Variants in MITF observed in about 807,000 individuals in gnomAD.
MITF encodes melanocyte inducing transcription factor.
In MITF, 17 loss-of-function variants were observed where a neutral mutation model predicts 60.5. The observed-to-expected ratio is 0.28, with a 90% CI of 0.19 to 0.42. The LOEUF (loss-of-function observed/expected upper bound fraction) is 0.42. MITF is among the 10% of genes least tolerant of loss of function. MITF has a pLI of 1.00. For missense variants in MITF, 622 were observed against 683.5 expected, an observed-to-expected ratio of 0.91 and a Z score of 1.00; for synonymous variants, 260 against 248.5, an observed-to-expected ratio of 1.05 and a Z score of -0.43.
chr3:69,853,721 A>G (rs2063865743), intron 1 of MITF, among the ~76,000 whole-genome samples: 2 of 152,164 alleles, frequency 1.3e-5, no homozygotes, highest in Admixed American at 6.5e-5. Context: ...AAATGGGGTC[A>G]TAAGGCAAGA....
intron 4 of MITF, among the ~76,000 whole-genome samples, chr3:69,940,958 T>A (rs1217500452): frequency 6.6e-6 from 1 of 152,168 alleles, no homozygotes; most frequent in Non-Finnish European, 1.5e-5. Context: ...TAGGGCAAAA[T>A]CTTAGCCTAT....
chr3:69,954,522 A>T (rs932127057), intron 7 of MITF, among the ~76,000 whole-genome samples: 5 of 152,228 alleles, frequency 3.3e-5, no homozygotes, highest in African/African-American at 1.2e-4. Flanking sequence ...ATCTGGAGGT[A>T]CAGTGTTCCA....
chr3:69,919,796 G>A (rs1208666002), intron 2 of MITF, among the ~76,000 whole-genome samples: 2 of 147,186 alleles, frequency 1.4e-5, no homozygotes, highest in Non-Finnish European at 3.0e-5. Context: ...GAAATGAACA[G>A]ATGAAAAATT....
At chr3:69,944,954 G>C (rs1380744781) in intron 5 of MITF, among the ~76,000 whole-genome samples, 1 of 151,830 alleles carries the variant, frequency 6.6e-6, no homozygotes. Context: ...TCTTTTATTT[G>C]ATTATTTGAA....
At chr3:69,741,779 T>C (rs1168735241) in intron 1 of MITF, among the ~76,000 whole-genome samples, 2 of 152,226 alleles carry the variant, frequency 1.3e-5, no homozygotes, top group Non-Finnish European at 2.9e-5. Context: ...TGGCAACATT[T>C]CTCTATACTG....
intron 1 of MITF, among the ~76,000 whole-genome samples, chr3:69,826,519 A>T (rs1281316269): frequency 6.6e-6 from 1 of 152,220 alleles, no homozygotes; most frequent in Non-Finnish European, 1.5e-5. Context: ...TGAGGCTATG[A>T]ACATTCATTA....
chr3:69,853,328 A>G (rs139055247), intron 1 of MITF, among the ~76,000 whole-genome samples: 13 of 152,292 alleles, frequency 8.5e-5, no homozygotes, highest in African/African-American at 3.1e-4. Flanking sequence ...TACCTTAGCC[A>G]ATTATGCCAA....
Position 69,938,004 on chromosome 3 carries a change from C to G in MITF, c.537C>G (p.Asn179Lys). Reference sequence around the variant, plus strand: ...CGGTGCCGGGGAGCAGCGCACCCAACAGCCCCATGGCTATGCTTACGCTTA... The same window carrying G: ...CGGTGCCGGGGAGCAGCGCACCCAAGAGCCCCATGGCTATGCTTACGCTTA... ...MPPVPGSSAP[N>K]SPMAMLTLNS... is the part of the protein sequence containing the mutation. Residue 179 changes from asparagine to lysine, a missense_variant, in exon 3 of 10, where the codon AAC (asparagine) becomes AAG (lysine). Physicochemically the swap from Asn to Lys is moderately conservative, Grantham distance 94. Transcript: ENST00000352241. 1 of 1,614,198 alleles carries G rather than the reference C, an allele frequency of 6.2e-7. No individual in the cohort carries two copies.
chr3:69,757,060 A>C (rs1241363989), intron 1 of MITF, among the ~76,000 whole-genome samples: 1 of 151,828 alleles, frequency 6.6e-6, no homozygotes, highest in African/African-American at 2.4e-5. Flanking sequence ...GATTGCAAAA[A>C]TTTTCTCCCA....
intron 1 of MITF, among the ~76,000 whole-genome samples, chr3:69,810,309 T>C (rs2063080682): frequency 6.6e-6 from 1 of 152,166 alleles, no homozygotes; most frequent in African/African-American, 2.4e-5. Context: ...TTGTGTCATA[T>C]TTTATCTTAA....
chr3:69,863,064 A>C (rs1166660325), intron 1 of MITF, among the ~76,000 whole-genome samples: 2 of 152,142 alleles, frequency 1.3e-5, no homozygotes, highest in South Asian at 2.1e-4. Flanking sequence ...TCTGAATAGT[A>C]CAGATGTGCC....
chr3:69,748,931 A>G (rs1196140402), intron 1 of MITF, among the ~76,000 whole-genome samples: 1 of 152,204 alleles, frequency 6.6e-6, no homozygotes, highest in African/African-American at 2.4e-5. Flanking sequence ...GTGGTTATAT[A>G]TGAAATTACG....
chr3:69,814,472 A>ATT (rs1051774726), intron 1 of MITF, among the ~76,000 whole-genome samples: 7 of 152,024 alleles, frequency 4.6e-5, no homozygotes, highest in African/African-American at 1.7e-4. Flanking sequence ...CGAACTACAG[A>ATT]TGCCCACCAT....
At chr3:69,948,905 A>G in intron 5 of MITF, 146 bp from the exon 6 acceptor site, 1 of 670,076 alleles carries the variant, frequency 1.5e-6, no homozygotes, top group Non-Finnish European at 2.6e-6. Flanking sequence ...GAAAAAGTAA[A>G]CATCTCATAT....
At chr3:69,818,062 T>C in intron 1 of MITF, among the ~76,000 whole-genome samples, 1 of 152,214 alleles carries the variant, frequency 6.6e-6, no homozygotes, top group Non-Finnish European at 1.5e-5. Flanking sequence ...GAAGTATGAA[T>C]ATTTAATGCA....
chr3:69,914,440 A>C (rs1397510953), intron 2 of MITF, among the ~76,000 whole-genome samples: 1 of 152,106 alleles, frequency 6.6e-6, no homozygotes, highest in East Asian at 1.9e-4. Context: ...TCTGTTTTTG[A>C]GGAACGGTTT....
At chr3:69,741,691 T>G (rs1703535129) in intron 1 of MITF, among the ~76,000 whole-genome samples, 1 of 152,226 alleles carries the variant, frequency 6.6e-6, no homozygotes, top group African/African-American at 2.4e-5. Flanking sequence ...AAAGTTGTTG[T>G]AAAACTTGTA....
intron 1 of MITF, among the ~76,000 whole-genome samples, chr3:69,783,535 T>G (rs2062600346): frequency 6.6e-6 from 1 of 150,750 alleles, no homozygotes; most frequent in Non-Finnish European, 1.5e-5. Flanking sequence ...AGATTATTTC[T>G]CTTTTATTAA....
intron 2 of MITF, among the ~76,000 whole-genome samples, chr3:69,886,393 T>G (rs1028763304): frequency 1.3e-5 from 2 of 152,040 alleles, no homozygotes; most frequent in Non-Finnish European, 2.9e-5. Context: ...TTTAGTAACC[T>G]TAGGAAACAA....
Sources: allele counts gnomAD v4.1 joint callset (sites outside exome capture counted in the v4.1 genomes callset), GRCh38; gene constraint gnomAD v4.1.1; transcripts MANE v1.5; gene names NCBI Gene and HGNC (gene_info 2026-07-23, HGNC 2026-07-21).